The following C5 variants were observed in gnomAD, a reference collection of about 807,000 sequenced individuals.
C5 encodes the protein complement C5, also known as C3 and PZP-like alpha-2-macroglobulin domain-containing protein 4.
A neutral mutation model predicts 218.8 loss-of-function variants in C5; 140 were observed. The ratio of observed to expected loss-of-function variants is 0.64; its 90% confidence interval spans 0.56 to 0.74. The LOEUF (loss-of-function observed/expected upper bound fraction) is 0.74, where lower values mean the gene tolerates loss of function less well. Ranked by LOEUF, C5 falls within the 30% of genes least tolerant of loss-of-function variation. The pLI is 0.00. For synonymous variants in C5, 614 were observed against 682.3 expected (o/e 0.90, Z 1.56); for missense variants, 1,700 against 1,969.6 (o/e 0.86, Z 2.59).
chr9:121,017,103 C>CTGATAGTAA (rs1470448966), intron 14 of C5, among the ~76,000 whole-genome samples: 11 of 152,174 alleles, frequency 7.2e-5, no homozygotes, highest in Non-Finnish European at 1.5e-4. Context: ...CCAAAGTATT[C>CTGATAGTAA]TGATAGTAAT....
intron 31 of C5, among the ~76,000 whole-genome samples, chr9:120,970,733 C>A (rs1388436394): frequency 2.0e-5 from 3 of 152,202 alleles, no homozygotes; most frequent in Non-Finnish European, 4.4e-5. Context: ...ACAATCTCTC[C>A]TCCCCCATAT....
intron 30 of C5, among the ~76,000 whole-genome samples, chr9:120,972,405 C>T (rs2046921473): frequency 6.6e-6 from 1 of 152,174 alleles, no homozygotes; most frequent in African/African-American, 2.4e-5. Context: ...AGCAGGGAAC[C>T]TCCACATAAC....
chr9:121,039,693 G>A (rs1173720691), intron 3 of C5, among the ~76,000 whole-genome samples: 2 of 152,140 alleles, frequency 1.3e-5, no homozygotes, highest in Admixed American at 1.3e-4. Context: ...TTGAATGCCA[G>A]GCTGGAGTGC....
At chr9:121,022,121 AG>A (rs2131775177) in intron 10 of C5, among the ~76,000 whole-genome samples, 1 of 152,342 alleles carries the variant, frequency 6.6e-6, no homozygotes, top group South Asian at 2.1e-4. Context: ...CATTCTATTA[AG>A]TCAGTCAAGG....
the C5 span, among the ~76,000 whole-genome samples, chr9:121,069,971 T>A: frequency 3.3e-5 from 5 of 152,090 alleles, no homozygotes; most frequent in Admixed American, 3.3e-4. Flanking sequence ...AATCAGTATA[T>A]CAAAGACACG....
Position 121,027,357 on chromosome 9 carries a change from G to A in C5, c.759-83C>T, listed in dbSNP as rs182543418. 4.7e-5 allele frequency: 36 copies of A among 760,622 alleles called. No homozygotes were observed. The Middle Eastern group carries it at 1.8e-3, about 38-fold the overall frequency. The allele number at this position is 760,622 out of a possible 1,614,324, so 47.1% of individuals were successfully genotyped here. ...ATAAAATGTAACAATTTGAAATTAC[G>A]TAAAGCACTTGAGGCACTTTAAAGT... On this transcript the variant is annotated intron_variant, in intron 7 of 40. Transcript: ENST00000223642.
chr9:121,055,002 T>C (rs1004992425), upstream of C5, among the ~76,000 whole-genome samples: 1 of 152,160 alleles, frequency 6.6e-6, no homozygotes, highest in African/African-American at 2.4e-5. Context: ...TTACTTACTA[T>C]TGACTTTAAG....
chr9:121,028,304 G>A (rs932715900), intron 7 of C5, among the ~76,000 whole-genome samples: 6 of 152,176 alleles, frequency 3.9e-5, no homozygotes, highest in African/African-American at 2.4e-5. Context: ...TAAGGATCTA[G>A]AACTAGAAAT....
At chr9:121,034,513 T>C (rs574377915) in intron 5 of C5, among the ~76,000 whole-genome samples, 1 of 152,254 alleles carries the variant, frequency 6.6e-6, no homozygotes, top group East Asian at 1.9e-4. Context: ...AAACTGACAA[T>C]CTATTAGATA....
intron 33 of C5, among the ~76,000 whole-genome samples, chr9:120,965,318 G>A (rs2046858972): frequency 1.3e-5 from 2 of 152,054 alleles, no homozygotes; most frequent in East Asian, 1.9e-4. Context: ...CCAGGAGTTC[G>A]AGACCAGCCT....
At chr9:120,966,031 C>T (rs1276718250) in intron 33 of C5, among the ~76,000 whole-genome samples, 2 of 152,166 alleles carry the variant, frequency 1.3e-5, no homozygotes, top group Non-Finnish European at 2.9e-5. Context: ...GAAAGAGACC[C>T]TCTGAACACA....
chr9:121,030,711 A>G (rs41308026), intron 6 of C5, among the ~76,000 whole-genome samples: 11,731 of 152,264 alleles, frequency 0.077, 515 homozygotes, highest in Non-Finnish European at 0.11. Flanking sequence ...CACTTTGCCT[A>G]TATTTTGATT....
At chr9:120,971,552 C>T (rs1353203976) in intron 31 of C5, among the ~76,000 whole-genome samples, 1 of 152,120 alleles carries the variant, frequency 6.6e-6, no homozygotes, top group Non-Finnish European at 1.5e-5. Context: ...GATTCTCCTG[C>T]CTCAGCCTCT....
rs777432895 is a variant in C5, at chr9:121,027,164, G to A, written c.869C>T (p.Thr290Ile). Residue 290 changes from threonine to isoleucine, a missense_variant, in exon 8 of 41, where the codon ACA becomes ATA. Transcript: ENST00000223642. ...KEMMQTAMQNTMLINGIAQVT... is the reference protein window; with the variant it reads ...KEMMQTAMQNIMLINGIAQVT... ...GACTGTGTCTTAACATCTTACCATT[G>A]TGTTTTGCATTGCTGTTTGCATCAT... 7 of 1,520,828 alleles carry A rather than the reference G, an allele frequency of 4.6e-6. No individual in the cohort carries two copies. In the East Asian group the frequency reaches 1.4e-4, roughly 29 times the overall value. The allele number at this position is 1,520,828 out of a possible 1,614,324, so 94.2% of individuals were successfully genotyped here.
At chr9:120,997,476 T>C (rs2047126135) in intron 21 of C5, 71 bp downstream of exon 21, 2 of 1,127,378 alleles carry the variant, frequency 1.8e-6, no homozygotes, top group South Asian at 2.6e-5. Context: ...CTATTGTTTC[T>C]CTCCCCCCCC....
intron 33 of C5, among the ~76,000 whole-genome samples, chr9:120,965,223 G>C (rs2046858031): frequency 6.6e-6 from 1 of 152,100 alleles, no homozygotes; most frequent in African/African-American, 2.4e-5. Context: ...ACCTCATAGA[G>C]CATATATAAT....
chr9:121,074,402 A>T, the C5 span, among the ~76,000 whole-genome samples: 1 of 152,230 alleles, frequency 6.6e-6, no homozygotes, highest in Admixed American at 6.5e-5. Context: ...TCTGCCTAGG[A>T]TTCCCAAGCT....
intron 12 of C5, among the ~76,000 whole-genome samples, chr9:121,018,742 A>AAGGAAAGAAAGG (rs774937700): frequency 2.0e-5 from 2 of 99,172 alleles, no homozygotes; most frequent in African/African-American, 8.7e-5. Context: ...GGAAGGAAGG[A>AAGGAAAGAAAGG]AAGGAAGGAA....
At chr9:121,041,452 C>T (rs1171507828) in intron 3 of C5, among the ~76,000 whole-genome samples, 1 of 151,710 alleles carries the variant, frequency 6.6e-6, no homozygotes, top group Non-Finnish European at 1.5e-5. Context: ...TTACAGGCGC[C>T]TGCCACAGTG....
Sources: gnomAD v4.1 joint callset for allele counts (sites outside exome capture counted in the v4.1 genomes callset) on GRCh38, gnomAD v4.1.1 for gene constraint, MANE v1.5 for transcripts, NCBI Gene and HGNC (gene_info 2026-07-23, HGNC 2026-07-21) for gene names.